The following ARRDC5 variants were observed in gnomAD, a reference collection of about 807,000 sequenced individuals.
ARRDC5 encodes the protein arrestin domain-containing protein 5.
ARRDC5 carries 12 observed loss-of-function variants against 13.3 expected under a neutral mutation model. The observed-to-expected ratio is 0.90, with a 90% CI of 0.58 to 1.46. ARRDC5 has a LOEUF of 1.46. Among genes scored for constraint, ARRDC5 ranks in the 40% most tolerant of loss-of-function variants. The probability of loss-of-function intolerance (pLI) is 0.00; values close to 1 mark genes in which losing one functional copy is unlikely to be tolerated. For synonymous variants in ARRDC5, 181 were observed against 173.4 expected (o/e 1.04, Z -0.34); for missense variants, 406 against 418.7 (o/e 0.97, Z 0.26).
At chr19:4,901,537 C>G (rs1308818077) in intron 1 of ARRDC5, among the ~76,000 whole-genome samples, 2 of 151,536 alleles carry the variant, frequency 1.3e-5, no homozygotes, top group African/African-American at 4.9e-5. Flanking sequence ...TCGTTTGAAC[C>G]CGGGAGGCGG....
chr19:4,892,824 T>C (rs1163646528), intron 2 of ARRDC5, among the ~76,000 whole-genome samples: 1 of 151,926 alleles, frequency 6.6e-6, no homozygotes, highest in Non-Finnish European at 1.5e-5. Context: ...TGCCTATTCT[T>C]TCATTTTATA....
At chr19:4,908,316 C>T in the ARRDC5 span, among the ~76,000 whole-genome samples, 1 of 152,098 alleles carries the variant, frequency 6.6e-6, no homozygotes, top group Non-Finnish European at 1.5e-5. Context: ...TCCCACTGAC[C>T]AGATAGAGGA....
chr19:4,913,049 G>A, the ARRDC5 span, among the ~76,000 whole-genome samples: 51 of 151,822 alleles, frequency 3.4e-4, no homozygotes, highest in Admixed American at 5.3e-4. Context: ...CTACAGTGCC[G>A]GACCTAAAAG....
chr19:4,901,875 C>G (rs78868704), intron 1 of ARRDC5, among the ~76,000 whole-genome samples: 1 of 151,910 alleles, frequency 6.6e-6, no homozygotes, highest in Non-Finnish European at 1.5e-5. Context: ...GTCTCCCTTG[C>G]TCTTCTACCT....
intron 1 of ARRDC5, among the ~76,000 whole-genome samples, chr19:4,898,061 T>A (rs2031793596): frequency 6.6e-6 from 1 of 152,110 alleles, no homozygotes; most frequent in Non-Finnish European, 1.5e-5. Flanking sequence ...TACTCCAGCC[T>A]GGGTGACAGA....
At chr19:4,915,434 C>T in the ARRDC5 span, among the ~76,000 whole-genome samples, 7 of 152,330 alleles carry the variant, frequency 4.6e-5, no homozygotes, top group South Asian at 2.1e-4. Context: ...ACAGGTATGG[C>T]GGGGCCCAGT....
At chr19:4,905,523 T>C (rs527641521), upstream of ARRDC5, among the ~76,000 whole-genome samples, 69 of 151,714 alleles carry the variant, frequency 4.5e-4, 1 homozygote, top group South Asian at 0.014. Context: ...ATTTATTTAT[T>C]TATTTATTTT....
chr19:4,911,147 C>T, the ARRDC5 span: 7 of 1,087,992 alleles, frequency 6.4e-6, no homozygotes, highest in South Asian at 7.2e-5. Flanking sequence ...CAACCTCGTC[C>T]GGTCCCACTT....
At chr19:4,900,115 G>T (rs1199897616) in intron 1 of ARRDC5, among the ~76,000 whole-genome samples, 1 of 146,972 alleles carries the variant, frequency 6.8e-6, no homozygotes, top group African/African-American at 2.5e-5. Context: ...ACCGCGCCCG[G>T]CCAGCAGTCT....
the ARRDC5 span, chr19:4,909,744 G>T: frequency 2.0e-6 from 1 of 489,130 alleles, no homozygotes. Context: ...CGGCCAGCCC[G>T]GGCGCACGCA....
rs188711887 is a variant in ARRDC5 at position 4,897,255 on chromosome 19, C to T, written c.254-379G>A. Among the ~76,000 whole-genome samples the T allele has an allele frequency of 4.6e-5, 7 of 152,280 alleles. No individual in the cohort carries two copies. In the East Asian group the frequency reaches 1.4e-3, roughly 29 times the overall value. ...TACAGGCGTGAGCCACTGCACCTGG[C>T]CTTTTTTTGCTTGATTTATTGTTTT... On this transcript the variant is annotated intron_variant, in intron 1 of 2. Coordinates refer to ENST00000650722, the MANE Select transcript of ARRDC5 (RefSeq NM_001080523.3).
intron 2 of ARRDC5, among the ~76,000 whole-genome samples, chr19:4,896,401 C>CATAT (rs1345718246): frequency 4.5e-4 from 44 of 98,864 alleles, no homozygotes; most frequent in Non-Finnish European, 8.2e-4. Flanking sequence ...CACACACACA[C>CATAT]ACACATATAT....
At chr19:4,893,435 G>A (rs568100225) in intron 2 of ARRDC5, among the ~76,000 whole-genome samples, 1 of 149,856 alleles carries the variant, frequency 6.7e-6, no homozygotes, top group South Asian at 2.1e-4. Context: ...GAACCTGGGA[G>A]ACTGAGGTTG....
chr19:4,895,673 C>T lies in ARRDC5; in HGVS notation c.459+998G>A, dbSNP rs564704767. Among the ~76,000 whole-genome samples the T allele has an allele frequency of 2.0e-5, 3 of 152,270 alleles. No homozygotes were observed. In the South Asian group the frequency reaches 6.2e-4, roughly 32 times the overall value. On this transcript the variant is annotated intron_variant, in intron 2 of 2. Coordinates refer to ENST00000650722, the MANE Select transcript of ARRDC5 (RefSeq NM_001080523.3). ...GCCCGTCCTTCTCCTGGACTGAGGC[C>T]ACCACCTCTATTGTCTGGGAGCTCC...
chr19:4,914,623 C>T, the ARRDC5 span, among the ~76,000 whole-genome samples: 2 of 149,492 alleles, frequency 1.3e-5, no homozygotes, highest in African/African-American at 2.5e-5. Flanking sequence ...GCCTAGGCAA[C>T]GGGAGAGGCA....
rs745759847 is a variant in ARRDC5 at position 4,890,756 on chromosome 19, T to C, written c.*290A>G. On this transcript the variant is annotated 3_prime_UTR_variant, in exon 3 of 3. Transcript: ENST00000650722. ...GAGAATTCTCCCCAAGTAGGACCCC[T>C]GGTCTTGGCACTGTGAGACCCCAGT... The C allele has an allele frequency of 2.7e-6, 1 of 370,616 alleles. No individual in the cohort carries two copies. The highest frequency in any genetic ancestry group is 4.9e-6 in the Non-Finnish European group (1 of 202,336). 23.0% of individuals were successfully genotyped at this position (370,616 alleles called of 1,614,324 possible). A position where few individuals can be genotyped will look rare whatever the true frequency, so the allele number is the denominator to read the frequency against.
chr19:4,915,689 G>A, the ARRDC5 span, among the ~76,000 whole-genome samples: 6 of 151,844 alleles, frequency 4.0e-5, no homozygotes, highest in Non-Finnish European at 7.4e-5. Context: ...CAGCCTGGGC[G>A]ACAGAGCAAG....
rs78613262 is a variant in ARRDC5, at chr19:4,891,602, G to C, written c.460-29C>G. 3.2e-6 allele frequency: 5 copies of C among 1,583,354 alleles called. No individual in the cohort carries two copies. In the African/African-American group the frequency reaches 6.7e-5, roughly 21 times the overall value. ...GGAGGATGTGGGGGAACAGACAACC[G>C]TGAGGGACCAGGACCACAAAATCCA... On this transcript the variant is annotated intron_variant, in intron 2 of 2. Coordinates refer to ENST00000650722, the MANE Select transcript of ARRDC5 (RefSeq NM_001080523.3).
chr19:4,914,677 A>C, the ARRDC5 span, among the ~76,000 whole-genome samples: 4 of 147,176 alleles, frequency 2.7e-5, no homozygotes, highest in Non-Finnish European at 6.0e-5. Flanking sequence ...TTTTGGCTGC[A>C]CATCAAAATA....
Sources: gnomAD v4.1 joint callset for allele counts (sites outside exome capture counted in the v4.1 genomes callset) on GRCh38, gnomAD v4.1.1 for gene constraint, MANE v1.5 for transcripts, NCBI Gene and HGNC (gene_info 2026-07-23, HGNC 2026-07-21) for gene names.